Variants in TNS3 observed in about 807,000 individuals in gnomAD.
TNS3 encodes tensin 3, also known as tensin-3.
A neutral mutation model predicts 140.9 loss-of-function variants in TNS3; 45 were observed. That is an observed-to-expected ratio of 0.32 (90% CI 0.25 to 0.41). The LOEUF (loss-of-function observed/expected upper bound fraction) is 0.41. TNS3 is among the 10% of genes least tolerant of loss of function. TNS3 has a pLI of 1.00. For synonymous variants in TNS3, 815 were observed against 788.4 expected (o/e 1.03, Z -0.56); for missense variants, 1,716 against 1,906.7 (o/e 0.90, Z 1.86).
chr7:47,546,477 G>A (rs1799924569), intron 1 of TNS3, among the ~76,000 whole-genome samples: 1 of 152,110 alleles, frequency 6.6e-6, no homozygotes, highest in Non-Finnish European at 1.5e-5. Flanking sequence ...CCCTCCCCAG[G>A]TGGCCCAGGA....
At chr7:47,287,105 T>C (rs1199906700) in intron 27 of TNS3, among the ~76,000 whole-genome samples, 2 of 145,640 alleles carry the variant, frequency 1.4e-5, no homozygotes, top group Non-Finnish European at 3.0e-5. Flanking sequence ...TAAGACTCTA[T>C]AAAAAAAAAA....
intron 11 of TNS3, among the ~76,000 whole-genome samples, chr7:47,414,746 G>A (rs929946706): frequency 3.3e-5 from 5 of 152,128 alleles, no homozygotes; most frequent in Admixed American, 3.3e-4. Context: ...CCTCTTACTG[G>A]GCTTCTTCCA....
At chr7:47,413,251 C>CCTTT (rs1793882748) in intron 12 of TNS3, among the ~76,000 whole-genome samples, 1 of 52,904 alleles carries the variant, frequency 1.9e-5, no homozygotes, top group Admixed American at 2.9e-4. Context: ...CAAGCCTGGC[C>CCTTT]TTTTTTTTTT....
intron 28 of TNS3, among the ~76,000 whole-genome samples, chr7:47,281,644 A>T (rs1424916128): frequency 6.6e-6 from 1 of 152,198 alleles, no homozygotes; most frequent in Non-Finnish European, 1.5e-5. Context: ...CTCAAACGCT[A>T]TCTCTTACAG....
At chr7:47,413,844 A>G in intron 12 of TNS3, 93 bp downstream of exon 12, 1 of 1,499,946 alleles carries the variant, frequency 6.7e-7, no homozygotes, top group South Asian at 1.2e-5. Flanking sequence ...ACCCTCCCAC[A>G]CTCTTCCTGC....
intron 10 of TNS3, 85 bp from the exon 11 acceptor site, chr7:47,415,291 G>T: frequency 2.2e-6 from 2 of 913,564 alleles, no homozygotes; most frequent in East Asian, 2.9e-5. Context: ...ACACATCCTG[G>T]CTGAGTCTGG....
rs746357340 is a variant in TNS3 at position 47,435,422 on chromosome 7, A to G, written c.202-18T>C. 2.5e-6 allele frequency: 4 copies of G among 1,611,998 alleles called. No homozygotes were observed. The highest frequency in any genetic ancestry group is 3.4e-6 in the Non-Finnish European group (4 of 1,179,882). ...TCCATGATCTGCAACAAGAAAGGGG[A>G]GCTTCCTCGGTTTCCATTTCCTAAA... is the stretch of plus-strand genomic sequence containing the variant. On this transcript the variant is annotated intron_variant, in intron 7 of 30. Transcript: ENST00000311160.
At chr7:47,430,292 C>T (rs1003057285) in intron 8 of TNS3, among the ~76,000 whole-genome samples, 2 of 151,984 alleles carry the variant, frequency 1.3e-5, no homozygotes, top group African/African-American at 4.8e-5. Flanking sequence ...CCATGCCCGG[C>T]TAATTTTTTG....
chr7:47,517,400 A>G (rs1798814752), intron 2 of TNS3, among the ~76,000 whole-genome samples: 1 of 152,170 alleles, frequency 6.6e-6, no homozygotes. Context: ...CCCACAGGGC[A>G]AGCCTCAGAT....
At chr7:47,341,401 AT>A (rs1789011157) in intron 20 of TNS3, among the ~76,000 whole-genome samples, 1 of 152,162 alleles carries the variant, frequency 6.6e-6, no homozygotes. Flanking sequence ...TACTAGGTCA[AT>A]TTCCTTATAG....
intron 20 of TNS3, among the ~76,000 whole-genome samples, chr7:47,334,271 C>T (rs1788499542): frequency 6.6e-6 from 1 of 152,114 alleles, no homozygotes; most frequent in South Asian, 2.1e-4. Flanking sequence ...AAGCCAGGCC[C>T]CTAAAATGCC....
intron 2 of TNS3, among the ~76,000 whole-genome samples, chr7:47,525,167 C>A (rs1190894586): frequency 6.6e-6 from 1 of 152,162 alleles, no homozygotes; most frequent in Non-Finnish European, 1.5e-5. Flanking sequence ...ATGTTGGGTA[C>A]GTGTGGGGTC....
intron 1 of TNS3, among the ~76,000 whole-genome samples, chr7:47,541,962 C>CAAAAAAAAAA (rs1799800831): frequency 1.4e-5 from 2 of 142,620 alleles, no homozygotes; most frequent in African/African-American, 6.0e-5. Flanking sequence ...AAAAAAAAAG[C>CAAAAAAAAAA]AAATGACCAC....
At chr7:47,371,617 G>C (rs1791075915) in intron 16 of TNS3, among the ~76,000 whole-genome samples, 1 of 152,242 alleles carries the variant, frequency 6.6e-6, no homozygotes, top group African/African-American at 2.4e-5. Flanking sequence ...CTTCAGACTA[G>C]GCAGAGACTA....
intron 1 of TNS3, among the ~76,000 whole-genome samples, chr7:47,550,691 G>A (rs949807678): frequency 1.3e-5 from 2 of 152,220 alleles, no homozygotes; most frequent in Non-Finnish European, 2.9e-5. Flanking sequence ...TGGAAGGGCA[G>A]GGTACAGAAT....
intron 23 of TNS3, among the ~76,000 whole-genome samples, chr7:47,297,794 T>TC (rs1296536523): frequency 6.6e-6 from 1 of 150,948 alleles, no homozygotes; most frequent in Non-Finnish European, 1.5e-5. Flanking sequence ...AGTTTTTTTT[T>TC]TTTTTTTTTT....
chr7:47,302,100 T>C (rs1786436713), intron 23 of TNS3, 86 bp downstream of exon 23: 1 of 1,122,776 alleles, frequency 8.9e-7, no homozygotes, highest in Admixed American at 1.7e-5. Flanking sequence ...TGCCCGATGT[T>C]CCCACCGCAG....
At chr7:47,459,281 C>T (rs1796386248) in intron 4 of TNS3, among the ~76,000 whole-genome samples, 1 of 152,194 alleles carries the variant, frequency 6.6e-6, no homozygotes, top group Admixed American at 6.5e-5. Context: ...AGGACTTCCT[C>T]TAGAAAGTGC....
At chr7:47,358,401 T>C (rs1304593067) in intron 17 of TNS3, among the ~76,000 whole-genome samples, 2 of 152,198 alleles carry the variant, frequency 1.3e-5, no homozygotes, top group African/African-American at 4.8e-5. Context: ...CCTCTCAAAG[T>C]GTTGGGATTA....
Sources: allele counts gnomAD v4.1 joint callset (sites outside exome capture counted in the v4.1 genomes callset), GRCh38; gene constraint gnomAD v4.1.1; transcripts MANE v1.5; gene names NCBI Gene and HGNC (gene_info 2026-07-23, HGNC 2026-07-21).